GALNS: variants seen among roughly 807,000 people sequenced by gnomAD.
GALNS encodes N-acetylgalactosamine-6-sulfatase.
GALNS carries 65 observed loss-of-function variants against 65.9 expected under a neutral mutation model. The ratio of observed to expected loss-of-function variants is 0.99; its 90% CI spans 0.81 to 1.21. The LOEUF (loss-of-function observed/expected upper bound fraction) is 1.21. GALNS is among the 50% of genes most tolerant of loss of function. The pLI, the probability that GALNS is intolerant of heterozygous loss-of-function variation, is 0.00. For synonymous variants in GALNS, 346 were observed against 288.9 expected, an observed-to-expected ratio of 1.20 and a Z score of -2.00; for missense variants, 776 against 700.7, an observed-to-expected ratio of 1.11 and a Z score of -1.21.
chr16:88,848,098 A>G (rs1455397135), intron 1 of GALNS, among the ~76,000 whole-genome samples: 1 of 152,210 alleles, frequency 6.6e-6, no homozygotes, highest in African/African-American at 2.4e-5. Flanking sequence ...AAGGCCCATG[A>G]GCCGTAAGAT....
At chr16:88,835,431 A>G in intron 7 of GALNS, 79 bp from the exon 8 acceptor site, 1 of 1,564,914 alleles carries the variant, frequency 6.4e-7, no homozygotes, top group Non-Finnish European at 8.8e-7. Context: ...GCATACTGTG[A>G]TTCACGGAGT....
In GALNS at chr16:88,813,829, C is replaced by A. The variant is rs755706847; in HGVS notation, c.*610G>T. 34 of 156,496 alleles carry A rather than the reference C, an allele frequency of 2.2e-4. No homozygotes were observed. Among genetic ancestry groups the A allele is most frequent in the African/African-American group, 7.2e-5 (3 of 41,484 alleles). The allele number at this position is 156,496 out of a possible 1,614,324, so 9.7% of individuals were successfully genotyped here. A position where few individuals can be genotyped will look rare whatever the true frequency, so the allele number is the denominator to read the frequency against. ...TACACGCCTCCCTCATAATTAGCGTCCAGGGAAATTCCTTGTGGACAAAGG... is the reference window on the plus strand; with the variant it reads ...TACACGCCTCCCTCATAATTAGCGTACAGGGAAATTCCTTGTGGACAAAGG... On this transcript the variant is annotated 3_prime_UTR_variant, in exon 14 of 14. Transcript: ENST00000268695.
At chr16:88,821,668 C>A (rs1223695892) in intron 12 of GALNS, among the ~76,000 whole-genome samples, 3 of 152,168 alleles carry the variant, frequency 2.0e-5, no homozygotes, top group African/African-American at 7.2e-5. Context: ...GGCACCTTGG[C>A]GGTGGTGCTG....
chr16:88,833,121 G>A (rs1911693361), intron 8 of GALNS, among the ~76,000 whole-genome samples: 1 of 149,890 alleles, frequency 6.7e-6, no homozygotes, highest in Admixed American at 6.6e-5. Context: ...TTCCGGCAGT[G>A]AAAAAGTGAA....
chr16:88,830,841 G>GA (rs1911426649), intron 9 of GALNS, among the ~76,000 whole-genome samples: 1 of 152,126 alleles, frequency 6.6e-6, no homozygotes, highest in Non-Finnish European at 1.5e-5. Context: ...GCTGTTCTCT[G>GA]AGTGTCCTTA....
At chr16:88,855,126 A>C in intron 1 of GALNS, 2 of 542,064 alleles carry the variant, frequency 3.7e-6, no homozygotes, top group Non-Finnish European at 6.9e-6. Context: ...AAGTAGGTGA[A>C]ATACAGACTA....
rs1172054588 is a variant in GALNS, at chr16:88,814,229, A to T, written c.*210T>A. ...CCGTGGGCGAGGAGGAGGGTCCTGA[A>T]ATCTGAGGCGCCGTGGGCGAGGAGG... On this transcript the variant is annotated 3_prime_UTR_variant, in exon 14 of 14. Coordinates refer to ENST00000268695, the MANE Select transcript of GALNS (RefSeq NM_000512.5). 1 of 666,758 alleles carries T rather than the reference A, an allele frequency of 1.5e-6. No homozygotes were observed. The highest frequency in any genetic ancestry group is 2.8e-5 in the East Asian group (1 of 36,168). The allele number at this position is 666,758 out of a possible 1,614,324, so 41.3% of individuals were successfully genotyped here. A position where few individuals can be genotyped will look rare whatever the true frequency, so the allele number is the denominator to read the frequency against.
chr16:88,832,020 G>A lies in GALNS; in HGVS notation c.980C>T (p.Pro327Leu). ...CACCTGGCCTGCAGTGACGTGCCCT[G>A]GCCACCATGCGAGGGCAGGCTCCCT... Reference protein sequence around the residue: ...GMREPALAWWPGHVTAGQVSH... With the variant: ...GMREPALAWWLGHVTAGQVSH... The change falls in exon 9 of 14, where the codon CCA (proline) becomes CTA (leucine). Residue 327 changes from proline (P) to leucine (L), a missense_variant. Physicochemically the swap from Pro to Leu is moderately conservative, Grantham distance 98 (BLOSUM62 -3). Transcript: ENST00000268695. 2 of 1,613,654 alleles carry A rather than the reference G, an allele frequency of 1.2e-6. No individual in the cohort carries two copies. Among genetic ancestry groups the A allele is most frequent in the Non-Finnish European group, 1.7e-6 (2 of 1,179,830 alleles).
chr16:88,855,166 C>T (rs1326084790), intron 1 of GALNS: 8 of 650,338 alleles, frequency 1.2e-5, no homozygotes, highest in Non-Finnish European at 2.2e-5. Context: ...CCAACATAAC[C>T]AAAATATTAT....
At chr16:88,816,092 C>G (rs1383235252) in intron 13 of GALNS, 1 of 985,342 alleles carries the variant, frequency 1.0e-6, no homozygotes, top group Non-Finnish European at 1.2e-6. Context: ...GCCCCTCAGA[C>G]CCCAGTGGCT....
intron 1 of GALNS, chr16:88,856,365 A>G (rs1967879975): frequency 1.4e-6 from 1 of 701,558 alleles, no homozygotes; most frequent in East Asian, 2.7e-5. Flanking sequence ...TGGGGAGGCC[A>G]CGCTGCGCGC....
chr16:88,837,563 C>G (rs1349489486), intron 5 of GALNS, 59 bp downstream of exon 5: 2 of 1,572,130 alleles, frequency 1.3e-6, no homozygotes, highest in Non-Finnish European at 1.7e-6. Context: ...AGGCGGGGGG[C>G]AGGCACGCCG....
chr16:88,824,956 G>T (rs573876135), intron 10 of GALNS, 87 bp from the exon 11 acceptor site: 2 of 1,018,048 alleles, frequency 2.0e-6, no homozygotes, highest in East Asian at 4.8e-5. Context: ...TGTCATCAGT[G>T]GCTCATGCCT....
At chr16:88,814,618 C>T in intron 13 of GALNS, 93 bp from the exon 14 acceptor site, 1 of 1,539,210 alleles carries the variant, frequency 6.5e-7, no homozygotes, top group East Asian at 2.5e-5. Flanking sequence ...TGTTCTGAGA[C>T]AGTCTCACTC....
chr16:88,824,210 C>G lies in GALNS; in HGVS notation c.1242+557G>C, dbSNP rs930307138. ...CTGGGGGATGCTGGAGCGTAGGGGT[C>G]AGCAGGGGCCAGAAAAGACCGTGGG... On this transcript the variant is annotated intron_variant, in intron 11 of 13. Transcript: ENST00000268695. Among the ~76,000 whole-genome samples, 5 of 151,984 alleles carry G rather than the reference C, an allele frequency of 3.3e-5. No individual in the cohort carries two copies. The South Asian group carries it at 1.0e-3, about 32-fold the overall frequency.
intron 13 of GALNS, among the ~76,000 whole-genome samples, chr16:88,817,685 C>T (rs1909773450): frequency 6.6e-6 from 1 of 152,232 alleles, no homozygotes; most frequent in East Asian, 1.9e-4. Flanking sequence ...ACGCGCCCTG[C>T]TGTCCCTCAG....
Position 88,814,025 on chromosome 16 carries a change from G to T in GALNS, c.*414C>A. ...TGTACGCCATACACATACTGATCTTGTGTCTCCCTAAGATGTATAAAGGCA... is the reference window on the plus strand; with the variant it reads ...TGTACGCCATACACATACTGATCTTTTGTCTCCCTAAGATGTATAAAGGCA... On this transcript the variant is annotated 3_prime_UTR_variant, in exon 14 of 14. Transcript: ENST00000268695. The T allele has an allele frequency of 3.0e-6, 1 of 328,030 alleles. No individual in the cohort carries two copies. 20.3% of individuals were successfully genotyped at this position (328,030 alleles called of 1,614,324 possible). A position where few individuals can be genotyped will look rare whatever the true frequency, so the allele number is the denominator to read the frequency against.
rs562690679 is a variant in GALNS, at chr16:88,835,618, C to A, written c.758+107G>T. The A allele has an allele frequency of 2.3e-5, 36 of 1,550,448 alleles. No individual in the cohort carries two copies. In the South Asian group the frequency reaches 3.9e-4, roughly 17 times the overall value. Reference sequence around the variant, plus strand: ...CTTCAAAGGGGTGGGGTTGCTCTGGCCTTTCCATAATTGGCCTAAATGCCA... The same window carrying A: ...CTTCAAAGGGGTGGGGTTGCTCTGGACTTTCCATAATTGGCCTAAATGCCA... On this transcript the variant is annotated intron_variant, in intron 7 of 13. Coordinates refer to ENST00000268695, the MANE Select transcript of GALNS (RefSeq NM_000512.5).
intron 12 of GALNS, among the ~76,000 whole-genome samples, chr16:88,821,176 G>C (rs1288969470): frequency 1.6e-5 from 1 of 62,646 alleles, no homozygotes; most frequent in Non-Finnish European, 3.3e-5. Flanking sequence ...CACTTTTCCA[G>C]AGGCCAGAGG....
Sources: gnomAD v4.1 joint callset for allele counts (sites outside exome capture counted in the v4.1 genomes callset) on GRCh38, gnomAD v4.1.1 for gene constraint, MANE v1.5 for transcripts, NCBI Gene and HGNC (gene_info 2026-07-23, HGNC 2026-07-21) for gene names.